Variants in ADAM32 observed in about 807,000 individuals in gnomAD.
ADAM32 encodes the protein ADAM metallopeptidase domain 32.
Under a neutral mutation model 114.9 loss-of-function variants are expected in ADAM32, and 89 were observed. The ratio of observed to expected loss-of-function variants is 0.77; its 90% CI spans 0.65 to 0.92. The LOEUF is 0.92. Ranked by LOEUF, ADAM32 falls within the 40% of genes least tolerant of loss-of-function variation. The pLI is 0.00. For missense variants in ADAM32, 870 were observed against 932.8 expected (o/e 0.93, Z 0.88); for synonymous variants, 285 against 307.5 (o/e 0.93, Z 0.77).
At chr8:39,244,205 T>C (rs886436086) in intron 16 of ADAM32, among the ~76,000 whole-genome samples, 7 of 152,102 alleles carry the variant, frequency 4.6e-5, no homozygotes, top group African/African-American at 1.7e-4. Flanking sequence ...AAGCAATATA[T>C]AAATTCAATA....
At chr8:39,160,403 G>A (rs1804424894) in intron 6 of ADAM32, among the ~76,000 whole-genome samples, 2 of 152,062 alleles carry the variant, frequency 1.3e-5, no homozygotes, top group African/African-American at 4.8e-5. Flanking sequence ...AGCCCGGCGT[G>A]GTGGCAGGCG....
intron 2 of ADAM32, among the ~76,000 whole-genome samples, chr8:39,128,633 GT>G (rs796294987): frequency 6.6e-6 from 1 of 152,144 alleles, no homozygotes; most frequent in South Asian, 2.1e-4. Context: ...GTACTTCAGT[GT>G]TTTTGTAGTG....
chr8:39,260,475 T>C (rs1266296526), intron 19 of ADAM32, among the ~76,000 whole-genome samples: 1 of 152,150 alleles, frequency 6.6e-6, no homozygotes, highest in Admixed American at 6.5e-5. Flanking sequence ...AATACATGGC[T>C]TTTGTTATGT....
chr8:39,220,192 GT>G (rs1466055616), intron 12 of ADAM32, among the ~76,000 whole-genome samples: 1 of 151,966 alleles, frequency 6.6e-6, no homozygotes, highest in Non-Finnish European at 1.5e-5. Flanking sequence ...ATTATGTGAT[GT>G]CATTATTTAT....
At chr8:39,179,748 T>C (rs989720743) in intron 10 of ADAM32, among the ~76,000 whole-genome samples, 3 of 152,164 alleles carry the variant, frequency 2.0e-5, no homozygotes, top group African/African-American at 7.2e-5. Flanking sequence ...TGCTTTTCCT[T>C]GCTCTCCGTG....
intron 6 of ADAM32, among the ~76,000 whole-genome samples, chr8:39,152,491 T>A (rs1444791938): frequency 6.6e-6 from 1 of 151,418 alleles, no homozygotes; most frequent in African/African-American, 2.4e-5. Flanking sequence ...GGAGCCCAAG[T>A]TGGGTGGATC....
At chr8:39,233,054 C>A (rs555220045) in intron 15 of ADAM32, among the ~76,000 whole-genome samples, 25 of 152,198 alleles carry the variant, frequency 1.6e-4, no homozygotes, top group Non-Finnish European at 3.1e-4. Flanking sequence ...CAGTAAGTAA[C>A]AGATCTCTAG....
intron 16 of ADAM32, among the ~76,000 whole-genome samples, chr8:39,243,983 A>G (rs1291623270): frequency 2.6e-5 from 4 of 152,200 alleles, no homozygotes; most frequent in African/African-American, 9.6e-5. Flanking sequence ...ATTGCTATAC[A>G]CCAACAGTGG....
At chr8:39,128,112 A>T (rs4593506) in intron 2 of ADAM32, among the ~76,000 whole-genome samples, 42,959 of 152,006 alleles carry the variant, frequency 0.28, 6,115 homozygotes, top group Middle Eastern at 0.34. Flanking sequence ...TAATATTGAC[A>T]GTGTGCTGTT....
intron 7 of ADAM32, among the ~76,000 whole-genome samples, chr8:39,162,456 T>C (rs1804575242): frequency 1.3e-5 from 2 of 152,136 alleles, no homozygotes; most frequent in African/African-American, 4.8e-5. Flanking sequence ...TTGTGAATAG[T>C]GCTGCAATAA....
At chr8:39,221,184 C>A (rs1435912381) in intron 12 of ADAM32, 1 of 154,998 alleles carries the variant, frequency 6.5e-6, no homozygotes. Flanking sequence ...TTTTTACAGT[C>A]TTTGACTTGA....
At chr8:39,218,342 G>A (rs1484138547) in intron 12 of ADAM32, among the ~76,000 whole-genome samples, 1 of 152,154 alleles carries the variant, frequency 6.6e-6, no homozygotes, top group African/African-American at 2.4e-5. Context: ...TGGGTCTCAC[G>A]CAAGGCTTGC....
intron 2 of ADAM32, chr8:39,129,934 T>C: frequency 2.6e-6 from 1 of 383,064 alleles, no homozygotes; most frequent in Non-Finnish European, 5.1e-6. Context: ...TATGTTGGCA[T>C]AAAATTGTAC....
intron 3 of ADAM32, among the ~76,000 whole-genome samples, chr8:39,142,341 C>T (rs1003146499): frequency 1.3e-5 from 2 of 152,068 alleles, no homozygotes; most frequent in African/African-American, 2.4e-5. Context: ...TGGTTGGTAC[C>T]GGCTGTTCCT....
intron 11 of ADAM32, among the ~76,000 whole-genome samples, chr8:39,200,254 C>T (rs1392583003): frequency 6.6e-6 from 1 of 152,160 alleles, no homozygotes; most frequent in Non-Finnish European, 1.5e-5. Context: ...TAAAAATGTT[C>T]CTATTTCTCC....
At chr8:39,141,006 T>A (rs530375007) in intron 3 of ADAM32, among the ~76,000 whole-genome samples, 2 of 152,248 alleles carry the variant, frequency 1.3e-5, no homozygotes, top group African/African-American at 4.8e-5. Context: ...TATTCTCTGA[T>A]GTTTGTATTT....
chr8:39,205,004 G>A (rs148501600), intron 11 of ADAM32, among the ~76,000 whole-genome samples: 1 of 152,314 alleles, frequency 6.6e-6, no homozygotes, highest in Non-Finnish European at 1.5e-5. Context: ...TCTCAGAGGG[G>A]TACTTGGCCC....
In ADAM32 at chr8:39,274,723, G is replaced by A. The variant is rs898463089; in HGVS notation, c.2240+373G>A. 2.0e-5 allele frequency among the ~76,000 whole-genome samples: 3 copies of A among 152,180 alleles called. No homozygotes were observed. The East Asian group carries it at 5.8e-4, about 29-fold the overall frequency. On this transcript the variant is annotated intron_variant, in intron 21 of 24. Coordinates refer to ENST00000379907, the MANE Select transcript of ADAM32 (RefSeq NM_145004.7). ...ATGAGAAACCACATGTATGATGGTG[G>A]TTCCATAAGATTATAATGAAGGTGA...
intron 2 of ADAM32, chr8:39,130,907 T>G: frequency 2.2e-6 from 1 of 455,804 alleles, no homozygotes; most frequent in South Asian, 1.6e-5. Flanking sequence ...TAGTTTCATT[T>G]ATCATGCCTA....
Sources: gnomAD v4.1 joint callset for allele counts (sites outside exome capture counted in the v4.1 genomes callset) on GRCh38, gnomAD v4.1.1 for gene constraint, MANE v1.5 for transcripts, NCBI Gene and HGNC (gene_info 2026-07-23, HGNC 2026-07-21) for gene names.